Variants in VPS53 observed in about 807,000 individuals in gnomAD.
VPS53 encodes the protein vacuolar protein sorting-associated protein 53 homolog.
A neutral mutation model predicts 107.0 loss-of-function variants in VPS53; 70 were observed. The ratio of observed to expected loss-of-function variants is 0.65; its 90% CI spans 0.54 to 0.80. The LOEUF is 0.80. VPS53 is among the 30% of genes least tolerant of loss of function. The probability of loss-of-function intolerance (pLI) is 0.00; values close to 1 mark genes in which losing one functional copy is unlikely to be tolerated. For missense variants in VPS53, 917 were observed against 1,049.4 expected, an observed-to-expected ratio of 0.87 and a Z score of 1.74; for synonymous variants, 409 against 393.3, an observed-to-expected ratio of 1.04 and a Z score of -0.47.
At chr17:569,084 C>T (rs979928877) in intron 13 of VPS53, among the ~76,000 whole-genome samples, 1 of 152,110 alleles carries the variant, frequency 6.6e-6, no homozygotes, top group African/African-American at 2.4e-5. Context: ...GACTCCAGGG[C>T]TGGGATACAA....
chr17:596,715 G>A (rs1216128491), intron 12 of VPS53, among the ~76,000 whole-genome samples: 2 of 152,186 alleles, frequency 1.3e-5, no homozygotes, highest in Non-Finnish European at 1.5e-5. Context: ...GATAGTAGGT[G>A]CTGGAATTTT....
At position 511,597 on chromosome 17, in the gene VPS53, T is replaced by C. The variant is rs1405063960; in HGVS notation, c.*7531A>G. ...AACAGAAAGGAACTTTTGGGCTGAT[T>C]ATAAGGATTCAGCTGGCCTTGGGAA... is the stretch of plus-strand genomic sequence containing the variant. On this transcript the variant is annotated 3_prime_UTR_variant, in exon 22 of 22. Coordinates refer to ENST00000437048, the MANE Select transcript of VPS53 (RefSeq NM_001128159.3). 6.6e-6 allele frequency: 1 copy of C among 152,164 alleles called. No individual in the cohort carries two copies. Among genetic ancestry groups the C allele is most frequent in the African/African-American group, 2.4e-5 (1 of 41,422 alleles). 9.4% of individuals were successfully genotyped at this position (152,164 alleles called of 1,614,324 possible). A position where few individuals can be genotyped will look rare whatever the true frequency, so the allele number is the denominator to read the frequency against.
intron 12 of VPS53, among the ~76,000 whole-genome samples, chr17:596,987 G>A (rs978272116): frequency 2.0e-5 from 3 of 152,124 alleles, no homozygotes; most frequent in Non-Finnish European, 4.4e-5. Context: ...AAATCGAACC[G>A]CTCGGATCAC....
At chr17:545,770 C>T (rs531549218) in intron 17 of VPS53, among the ~76,000 whole-genome samples, 5 of 152,114 alleles carry the variant, frequency 3.3e-5, no homozygotes, top group African/African-American at 9.6e-5. Flanking sequence ...ATAGGGAAGA[C>T]AAAGACATAA....
intron 4 of VPS53, among the ~76,000 whole-genome samples, chr17:680,858 C>T (rs912230444): frequency 4.1e-4 from 63 of 152,340 alleles, no homozygotes; most frequent in African/African-American, 1.5e-3. Context: ...GCCATTCCCA[C>T]TCTTAGCTGA....
intron 5 of VPS53, among the ~76,000 whole-genome samples, chr17:660,786 G>A (rs752447934): frequency 6.6e-5 from 10 of 152,112 alleles, no homozygotes; most frequent in Admixed American, 1.3e-4. Context: ...CTCTTCATAC[G>A]TTTAATTCTC....
At chr17:598,355 G>C (rs1033129743) in intron 12 of VPS53, among the ~76,000 whole-genome samples, 78 of 152,038 alleles carry the variant, frequency 5.1e-4, no homozygotes, top group African/African-American at 1.5e-3. Context: ...CCAAAGTGCC[G>C]AGATTGCAGC....
chr17:609,251 T>C (rs776217263), intron 11 of VPS53, among the ~76,000 whole-genome samples: 1 of 152,192 alleles, frequency 6.6e-6, no homozygotes, highest in African/African-American at 2.4e-5. Flanking sequence ...AATCATATAA[T>C]GTGTGACATC....
At chr17:586,806 C>G (rs1439578477) in intron 12 of VPS53, among the ~76,000 whole-genome samples, 1 of 152,190 alleles carries the variant, frequency 6.6e-6, no homozygotes, top group Admixed American at 6.5e-5. Context: ...ATGACTACTA[C>G]TATTTTACAC....
At position 524,620 on chromosome 17, in the gene VPS53, A is replaced by G. The variant is rs1180611417; in HGVS notation, c.2086-2882T>C. Among the ~76,000 whole-genome samples the G allele has an allele frequency of 6.6e-6, 1 of 152,258 alleles. No homozygotes were observed. The highest frequency in any genetic ancestry group is 1.5e-5 in the Non-Finnish European group (1 of 68,040). ...AACTCAAATGCCCGAAAGGCATATG[A>G]AATGACACGCAACCTGGTTAGTAAC... On this transcript the variant is annotated intron_variant, in intron 19 of 21. Transcript: ENST00000437048. This position sits in a 1 kb window ranked among gnomAD's most constrained non-coding sequence, Gnocchi z 4.5.
At chr17:557,844 G>A (rs1452328941) in intron 15 of VPS53, among the ~76,000 whole-genome samples, 1 of 148,336 alleles carries the variant, frequency 6.7e-6, no homozygotes, top group Non-Finnish European at 1.5e-5. Flanking sequence ...GACATTCTTT[G>A]TAAGGATTAT....
At chr17:622,553 T>C (rs542605076) in intron 11 of VPS53, among the ~76,000 whole-genome samples, 1 of 152,300 alleles carries the variant, frequency 6.6e-6, no homozygotes, top group African/African-American at 2.4e-5. Flanking sequence ...TCAGCTACAA[T>C]TCCTGTATTC....
At position 602,614 on chromosome 17, in the gene VPS53, G is replaced by A. The variant is rs144799389; in HGVS notation, c.1117-718C>T. ...GCTGCAGGCAGGAGGCATGGTAGCTGTAGCTCCAACCGTGCGGCACTGGCC... is the reference window on the plus strand; with the variant it reads ...GCTGCAGGCAGGAGGCATGGTAGCTATAGCTCCAACCGTGCGGCACTGGCC... On this transcript the variant is annotated intron_variant, in intron 11 of 21. Transcript: ENST00000437048. 4.7e-4 allele frequency among the ~76,000 whole-genome samples: 72 copies of A among 152,336 alleles called. No individual in the cohort carries two copies. In the East Asian group the frequency reaches 0.012, roughly 25 times the overall value.
intron 4 of VPS53, among the ~76,000 whole-genome samples, chr17:667,889 C>T (rs1971764627): frequency 6.6e-6 from 1 of 152,082 alleles, no homozygotes; most frequent in Admixed American, 6.6e-5. Flanking sequence ...GGAGCGCGAA[C>T]CCTACTGTGA....
intron 13 of VPS53, among the ~76,000 whole-genome samples, chr17:579,898 C>T (rs146379147): frequency 2.1e-3 from 325 of 152,038 alleles, no homozygotes; most frequent in African/African-American, 7.4e-3. Context: ...CAGAGAACCA[C>T]CGTCAGGACC....
At chr17:533,902 C>G (rs996409205) in intron 18 of VPS53, among the ~76,000 whole-genome samples, 4 of 151,870 alleles carry the variant, frequency 2.6e-5, no homozygotes, top group Non-Finnish European at 5.9e-5. Flanking sequence ...TACAGTGGCA[C>G]CATCTTGGCT....
intron 4 of VPS53, among the ~76,000 whole-genome samples, chr17:669,930 T>G (rs7405625): frequency 6.6e-6 from 1 of 151,220 alleles, no homozygotes; most frequent in African/African-American, 2.4e-5. Flanking sequence ...AATAAAAAAA[T>G]TAAAAGGTGG....
At chr17:591,613 T>G (rs1016019308) in intron 12 of VPS53, among the ~76,000 whole-genome samples, 2 of 152,224 alleles carry the variant, frequency 1.3e-5, no homozygotes, top group African/African-American at 4.8e-5. Context: ...AACATCTTTA[T>G]TTCTGCCTTC....
intron 19 of VPS53, 39 bp from the exon 20 acceptor site, chr17:521,777 G>C (rs1567595854): frequency 2.1e-6 from 3 of 1,449,348 alleles, no homozygotes; most frequent in South Asian, 1.4e-5. Context: ...GCCCCTTCCA[G>C]CGACCCAGTG....
Sources: gnomAD v4.1 joint callset for allele counts (sites outside exome capture counted in the v4.1 genomes callset) on GRCh38, gnomAD v4.1.1 for gene constraint, Gnocchi (gnomAD v3.1) non-coding constraint, MANE v1.5 for transcripts, NCBI Gene and HGNC (gene_info 2026-07-23, HGNC 2026-07-21) for gene names.